The following PPFIBP2 variants were observed in gnomAD, a reference collection of about 807,000 sequenced individuals.
The protein encoded by PPFIBP2 is liprin-beta-2.
PPFIBP2 carries 118 observed loss-of-function variants against 118.3 expected under a neutral mutation model. The ratio of observed to expected loss-of-function variants is 1.00; its 90% CI spans 0.86 to 1.16. PPFIBP2 has a LOEUF of 1.16. Among genes scored for constraint, PPFIBP2 ranks in the 50% most tolerant of loss-of-function variants. The probability of loss-of-function intolerance (pLI) is 0.00; values close to 1 mark genes in which losing one functional copy is unlikely to be tolerated. For missense variants in PPFIBP2, 1,195 were observed against 1,073.1 expected (o/e 1.11, Z -1.59); for synonymous variants, 414 against 397.4 (o/e 1.04, Z -0.50).
chr11:7,529,121 T>C (rs1850466324), intron 1 of PPFIBP2, among the ~76,000 whole-genome samples: 1 of 151,988 alleles, frequency 6.6e-6, no homozygotes, highest in Non-Finnish European at 1.5e-5. Context: ...GCATCTGGGC[T>C]GCAGTGACGC....
At chr11:7,580,600 A>G (rs4758200) in intron 3 of PPFIBP2, among the ~76,000 whole-genome samples, 56,810 of 151,916 alleles carry the variant, frequency 0.37, 10,911 homozygotes, top group Middle Eastern at 0.51. Flanking sequence ...GGGATGGGAT[A>G]GTATATACTA....
rs145220420 is a variant in PPFIBP2 at position 7,592,113 on chromosome 11, T to G, written c.280-1019T>G. ...CTGATTTCACTGGACCAGCTCAGATTGTATAATACTCAGTTCCACATTTAG... is the reference window on the plus strand; with the variant it reads ...CTGATTTCACTGGACCAGCTCAGATGGTATAATACTCAGTTCCACATTTAG... On this transcript the variant is annotated intron_variant, in intron 3 of 23. Coordinates refer to ENST00000299492, the MANE Select transcript of PPFIBP2 (RefSeq NM_003621.5). 7.9e-5 allele frequency among the ~76,000 whole-genome samples: 12 copies of G among 152,314 alleles called. No individual in the cohort carries two copies. The East Asian group carries it at 1.9e-3, about 25-fold the overall frequency.
chr11:7,622,476 C>T (rs1849466137), intron 7 of PPFIBP2, among the ~76,000 whole-genome samples: 1 of 152,162 alleles, frequency 6.6e-6, no homozygotes, highest in South Asian at 2.1e-4. Context: ...AATTTACATG[C>T]AATTTTATAA....
At chr11:7,658,024 T>C (rs539265160), downstream of PPFIBP2, among the ~76,000 whole-genome samples, 1 of 152,350 alleles carries the variant, frequency 6.6e-6, no homozygotes, top group East Asian at 1.9e-4. Context: ...CAGGCATGAA[T>C]GCCAAGGTCC....
chr11:7,665,981 G>A, the PPFIBP2 span: 81 of 1,412,626 alleles, frequency 5.7e-5, no homozygotes, highest in Middle Eastern at 1.7e-4. Context: ...TGTGAGAGGC[G>A]CGCCTGTGGG....
intron 3 of PPFIBP2, among the ~76,000 whole-genome samples, chr11:7,575,562 A>G (rs2134884520): frequency 6.6e-6 from 1 of 152,308 alleles, no homozygotes. Context: ...CTCCCTGTCC[A>G]GCTCCCAAAT....
chr11:7,653,126 G>T lies in PPFIBP2; in HGVS notation c.2539G>T (p.Asp847Tyr). 6.2e-7 allele frequency: 1 copy of T among 1,614,242 alleles called. No homozygotes were observed. Among genetic ancestry groups the T allele is most frequent in the Non-Finnish European group, 8.5e-7 (1 of 1,180,036 alleles). The change falls in exon 24 of 24, where the codon GAT becomes TAT. Residue 847 changes from aspartate to tyrosine, a missense_variant. Asp to Tyr is a radical substitution (Grantham distance 160). Transcript: ENST00000299492. Reference sequence around the variant, plus strand: ...AATGGAGCCCAGTGACGGTGTCAGTGATAGTCACAGGGTCTACAGTGGCTA... The same window carrying T: ...AATGGAGCCCAGTGACGGTGTCAGTTATAGTCACAGGGTCTACAGTGGCTA... Reference protein sequence around the residue: ...CPMEPSDGVSDSHRVYSGYRG... With the variant: ...CPMEPSDGVSYSHRVYSGYRG...
chr11:7,606,610 G>T (rs1422325772), intron 5 of PPFIBP2, among the ~76,000 whole-genome samples: 2 of 152,200 alleles, frequency 1.3e-5, no homozygotes, highest in African/African-American at 4.8e-5. Flanking sequence ...TAAAATGTTA[G>T]TGTGTCCAAT....
intron 1 of PPFIBP2, among the ~76,000 whole-genome samples, chr11:7,544,503 C>A (rs61890212): frequency 0.062 from 9,383 of 152,112 alleles, 317 homozygotes; most frequent in Non-Finnish European, 0.083. Flanking sequence ...AATTCTACAT[C>A]CCGGTTCACG....
intron 1 of PPFIBP2, among the ~76,000 whole-genome samples, chr11:7,542,411 C>CTTTTTTATTTCTTTTAATT (rs1370088978): frequency 5.9e-5 from 9 of 152,088 alleles, no homozygotes; most frequent in Admixed American, 3.3e-4. Context: ...TTCTTTTAAT[C>CTTTTTTATTTCTTTTAATT]TTAATCACCA....
At position 7,565,723 on chromosome 11, in the gene PPFIBP2, G is replaced by A. The variant is rs1327676326; in HGVS notation, c.235G>A (p.Gly79Ser). The A allele has an allele frequency of 6.2e-7, 1 of 1,614,146 alleles. No homozygotes were observed. Among genetic ancestry groups the A allele is most frequent in the East Asian group, 2.2e-5 (1 of 44,876 alleles). ...ERAALLSQIP[G>S]PTAAYIKEWF... ...AGCAGCCCTCCTGAGCCAGATCCCT[G>A]GCCCAACAGCTGCCTACATAAAGGA... The change falls in exon 3 of 24, where the codon GGC becomes AGC. Residue 79 changes from glycine (G) to serine (S), a missense_variant. Transcript: ENST00000299492.
intron 1 of PPFIBP2, among the ~76,000 whole-genome samples, chr11:7,515,720 G>T (rs536866972): frequency 6.6e-6 from 1 of 152,354 alleles, no homozygotes; most frequent in East Asian, 1.9e-4. Flanking sequence ...CAGCTGTCCA[G>T]TACAGAAGTC....
Position 7,648,901 on chromosome 11 carries a change from T to C in PPFIBP2, c.1899T>C (p.Ile633=), listed in dbSNP as rs757629248. ...QEEKSALLDH[I]WVTRWLDDIG... ...AGAAGTCTGCACTGCTAGACCACAT[T>C]TGGGTGACAAGTAAGGATAGGCATA... Residue 633 remains isoleucine, a synonymous_variant, in exon 19 of 24, where the codon ATT becomes ATC. Transcript: ENST00000299492. The C allele has an allele frequency of 1.4e-5, 22 of 1,613,318 alleles. No individual in the cohort carries two copies. Among genetic ancestry groups the C allele is most frequent in the Non-Finnish European group, 1.9e-5 (22 of 1,179,370 alleles).
At chr11:7,575,889 G>A (rs1000284086) in intron 3 of PPFIBP2, among the ~76,000 whole-genome samples, 2 of 152,224 alleles carry the variant, frequency 1.3e-5, no homozygotes, top group Non-Finnish European at 2.9e-5. Context: ...AGAGCTCAGC[G>A]CATGGGCAGC....
intron 10 of PPFIBP2, 77 bp from the exon 11 acceptor site, chr11:7,630,848 G>C (rs942002060): frequency 3.9e-6 from 4 of 1,023,988 alleles, no homozygotes; most frequent in Middle Eastern, 2.0e-4. Flanking sequence ...GAGAAACAAT[G>C]TTAGAATTTT....
chr11:7,606,037 C>A, intron 5 of PPFIBP2: 1 of 1,530,928 alleles, frequency 6.5e-7, no homozygotes, highest in South Asian at 1.2e-5. Context: ...AGCTGTTGAT[C>A]AAGTCAAAAG....
intron 1 of PPFIBP2, among the ~76,000 whole-genome samples, chr11:7,544,988 G>A (rs1852184858): frequency 6.6e-6 from 1 of 152,102 alleles, no homozygotes; most frequent in Admixed American, 6.6e-5. Flanking sequence ...AGGAACCGAT[G>A]TGGAAGACAC....
At chr11:7,537,855 T>C (rs1851366745) in intron 1 of PPFIBP2, among the ~76,000 whole-genome samples, 1 of 152,032 alleles carries the variant, frequency 6.6e-6, no homozygotes, top group Non-Finnish European at 1.5e-5. Flanking sequence ...CTTGTTGGAG[T>C]ACCTGCACTG....
downstream of PPFIBP2, among the ~76,000 whole-genome samples, chr11:7,661,334 T>C (rs972346964): frequency 3.3e-5 from 5 of 150,782 alleles, no homozygotes; most frequent in African/African-American, 1.2e-4. Context: ...TCCCAGAGAT[T>C]CTGGTATGTT....
Sources: gnomAD v4.1 joint callset for allele counts (sites outside exome capture counted in the v4.1 genomes callset) on GRCh38, gnomAD v4.1.1 for gene constraint, MANE v1.5 for transcripts, NCBI Gene and HGNC (gene_info 2026-07-23, HGNC 2026-07-21) for gene names.